Variants in UNC13C observed in about 807,000 individuals in gnomAD.
UNC13C encodes the protein protein unc-13 homolog C.
Under a neutral mutation model 245.4 loss-of-function variants are expected in UNC13C, and 174 were observed. The observed-to-expected ratio is 0.71, with a 90% CI of 0.63 to 0.80. The LOEUF (loss-of-function observed/expected upper bound fraction) is 0.80. Among genes scored for constraint, UNC13C ranks in the 30% least tolerant of loss-of-function variants. UNC13C has a pLI of 0.00. For synonymous variants in UNC13C, 992 were observed against 895.1 expected, an observed-to-expected ratio of 1.11 and a Z score of -1.93; for missense variants, 2,829 against 2,602.9, an observed-to-expected ratio of 1.09 and a Z score of -1.89.
chr15:53,925,066 TATAAAG>T, the UNC13C span, among the ~76,000 whole-genome samples: 1 of 152,200 alleles, frequency 6.6e-6, no homozygotes, highest in Non-Finnish European at 1.5e-5. Flanking sequence ...CAATGGTTCT[TATAAAG>T]AGAAAACAGC....
chr15:54,387,988 C>A (rs116553522), intron 17 of UNC13C, among the ~76,000 whole-genome samples: 2 of 152,090 alleles, frequency 1.3e-5, no homozygotes, highest in Non-Finnish European at 2.9e-5. Flanking sequence ...CACACAAATT[C>A]TTTAAGTTCT....
the UNC13C span, among the ~76,000 whole-genome samples, chr15:53,887,848 C>T: frequency 2.0e-5 from 3 of 152,124 alleles, no homozygotes; most frequent in African/African-American, 4.8e-5. Flanking sequence ...ATGAAGACTT[C>T]CAGCTTCATC....
chr15:54,050,591 T>C, intron 2 of UNC13C: 1 of 427,010 alleles, frequency 2.3e-6, no homozygotes, highest in South Asian at 1.9e-5. Flanking sequence ...TTTCCACTCT[T>C]TCTAACTTGG....
At chr15:54,168,913 A>G (rs1321866791) in intron 4 of UNC13C, among the ~76,000 whole-genome samples, 1 of 152,224 alleles carries the variant, frequency 6.6e-6, no homozygotes, top group Non-Finnish European at 1.5e-5. Flanking sequence ...ATCACCAAGA[A>G]TCAATAAAAG....
the UNC13C span, among the ~76,000 whole-genome samples, chr15:53,966,783 T>C: frequency 6.6e-6 from 1 of 152,118 alleles, no homozygotes; most frequent in Non-Finnish European, 1.5e-5. Context: ...TTTTACATTT[T>C]AGTAAGCTTC....
At chr15:54,306,055 A>C (rs966954665) in intron 13 of UNC13C, among the ~76,000 whole-genome samples, 1 of 151,988 alleles carries the variant, frequency 6.6e-6, no homozygotes, top group Non-Finnish European at 1.5e-5. Context: ...ACACTACTGA[A>C]TTTTTCTCTT....
intron 4 of UNC13C, among the ~76,000 whole-genome samples, chr15:54,211,907 C>T (rs1176775761): frequency 6.6e-6 from 1 of 152,086 alleles, no homozygotes; most frequent in Non-Finnish European, 1.5e-5. Flanking sequence ...CTTCTCCTCC[C>T]TCTTACATTG....
intron 19 of UNC13C, among the ~76,000 whole-genome samples, chr15:54,431,075 A>G (rs760294978): frequency 3.9e-4 from 59 of 151,754 alleles, no homozygotes; most frequent in Non-Finnish European, 4.0e-4. Context: ...TCACTACTCA[A>G]TCAAGAATAT....
At chr15:54,453,377 T>C (rs1453210731) in intron 19 of UNC13C, among the ~76,000 whole-genome samples, 4 of 152,206 alleles carry the variant, frequency 2.6e-5, no homozygotes, top group Admixed American at 2.6e-4. Flanking sequence ...ATGTTCTCTC[T>C]TAGAGGATCT....
At chr15:54,004,672 G>A (rs903190002) in intron 1 of UNC13C, among the ~76,000 whole-genome samples, 3 of 152,156 alleles carry the variant, frequency 2.0e-5, no homozygotes, top group Admixed American at 2.0e-4. Context: ...ACCAGCATTT[G>A]TTATTGCCTG....
At chr15:54,097,388 A>G (rs1030732355) in intron 2 of UNC13C, among the ~76,000 whole-genome samples, 1 of 152,104 alleles carries the variant, frequency 6.6e-6, no homozygotes. Context: ...AATCTCCCCA[A>G]TGTGTAAGAA....
chr15:54,203,755 CACATAT>C (rs1272494162), intron 4 of UNC13C, among the ~76,000 whole-genome samples: 2 of 99,770 alleles, frequency 2.0e-5, no homozygotes, highest in East Asian at 6.9e-4. Flanking sequence ...TGTATATATA[CACATAT>C]ATATGTATAT....
intron 1 of UNC13C, among the ~76,000 whole-genome samples, chr15:54,005,574 CAT>C (rs1012768350): frequency 3.9e-5 from 6 of 152,108 alleles, no homozygotes; most frequent in African/African-American, 9.7e-5. Context: ...AATGGAAAAA[CAT>C]ATGTAAGAGC....
chr15:54,172,587 T>C (rs377635227), intron 4 of UNC13C, among the ~76,000 whole-genome samples: 1 of 150,852 alleles, frequency 6.6e-6, no homozygotes, highest in Non-Finnish European at 1.5e-5. Flanking sequence ...GAAATATACC[T>C]GGAATGTTTC....
At chr15:54,314,498 G>A (rs142072800) in intron 13 of UNC13C, among the ~76,000 whole-genome samples, 1 of 151,618 alleles carries the variant, frequency 6.6e-6, no homozygotes, top group East Asian at 2.0e-4. Context: ...CTATACCATG[G>A]TGGATGGTTA....
intron 4 of UNC13C, among the ~76,000 whole-genome samples, chr15:54,182,745 A>G (rs893535181): frequency 6.6e-6 from 1 of 152,112 alleles, no homozygotes; most frequent in African/African-American, 2.4e-5. Context: ...AAGACATATT[A>G]AAACATTGTT....
At chr15:54,116,281 T>G (rs1215143734) in intron 2 of UNC13C, among the ~76,000 whole-genome samples, 2 of 152,180 alleles carry the variant, frequency 1.3e-5, no homozygotes, top group Non-Finnish European at 2.9e-5. Flanking sequence ...TACAAACATT[T>G]GAAATATCCC....
At chr15:54,447,869 G>T (rs1175184432) in intron 19 of UNC13C, among the ~76,000 whole-genome samples, 1 of 152,108 alleles carries the variant, frequency 6.6e-6, no homozygotes, top group Non-Finnish European at 1.5e-5. Context: ...TGATGTTAGG[G>T]TGTCAATTTT....
At chr15:54,395,173 A>G (rs971952422) in intron 18 of UNC13C, among the ~76,000 whole-genome samples, 1 of 151,852 alleles carries the variant, frequency 6.6e-6, no homozygotes, top group East Asian at 1.9e-4. Context: ...AAGATCGTTC[A>G]ATTTAGTTTC....
Sources: gnomAD v4.1 joint callset for allele counts (sites outside exome capture counted in the v4.1 genomes callset) on GRCh38, gnomAD v4.1.1 for gene constraint, MANE v1.5 for transcripts, NCBI Gene and HGNC (gene_info 2026-07-23, HGNC 2026-07-21) for gene names.